Variants in KYNU observed in about 807,000 individuals in gnomAD.
The protein encoded by KYNU is L-kynurenine hydrolase.
In KYNU, 54 loss-of-function variants were observed where a neutral mutation model predicts 59.2. The ratio of observed to expected loss-of-function variants is 0.91; its 90% CI spans 0.73 to 1.14. The LOEUF (loss-of-function observed/expected upper bound fraction) is 1.14, where lower values mean the gene tolerates loss of function less well. Ranked by LOEUF, KYNU falls within the 50% of genes most tolerant of loss-of-function variation. The pLI is 0.00. For missense variants in KYNU, 567 were observed against 554.4 expected (o/e 1.02, Z -0.23); for synonymous variants, 177 against 192.0 (o/e 0.92, Z 0.65).
intron 10 of KYNU, among the ~76,000 whole-genome samples, chr2:143,010,022 A>G (rs1328058370): frequency 7.1e-6 from 1 of 141,226 alleles, no homozygotes; most frequent in African/African-American, 2.8e-5. Context: ...GCCCTCTCTC[A>G]CCACTCCTAT....
chr2:143,006,998 G>T (rs532233778), intron 10 of KYNU, among the ~76,000 whole-genome samples: 1 of 152,114 alleles, frequency 6.6e-6, no homozygotes, highest in African/African-American at 2.4e-5. Flanking sequence ...AACGCAGAGC[G>T]TCTCTCCTCC....
At chr2:143,004,229 A>C (rs1685799850) in intron 10 of KYNU, among the ~76,000 whole-genome samples, 1 of 152,326 alleles carries the variant, frequency 6.6e-6, no homozygotes, top group South Asian at 2.1e-4. Flanking sequence ...CTTGACAGGC[A>C]CTGTGCTAGA....
intron 3 of KYNU, among the ~76,000 whole-genome samples, chr2:142,919,073 T>TA (rs1311249448): frequency 6.3e-4 from 96 of 152,370 alleles, no homozygotes; most frequent in African/African-American, 2.2e-3. Context: ...AGTCTGTACA[T>TA]GTTTAGTATA....
rs1472828147 is a variant in KYNU, at chr2:142,979,292, A to G, written c.730-5792A>G. ...TCAGAAACAGAATCCCTCACATAAT[A>G]TTCTTACAAATTTAACATCACTTTA... On this transcript the variant is annotated intron_variant, in intron 8 of 13. Transcript: ENST00000264170. 2.0e-5 allele frequency among the ~76,000 whole-genome samples: 3 copies of G among 152,180 alleles called. No homozygotes were observed. The East Asian group carries it at 5.8e-4, about 29-fold the overall frequency.
At position 142,972,337 on chromosome 2, in the gene KYNU, C is replaced by A. The variant is rs190786674; in HGVS notation, c.729+11567C>A. On this transcript the variant is annotated intron_variant, in intron 8 of 13. Transcript: ENST00000264170. ...ATCCAGCTGTCAGTTCTCTCTAATA[C>A]CTTCTCAATTCACACCTTTCCCTTA... 8.9e-4 allele frequency among the ~76,000 whole-genome samples: 136 copies of A among 152,234 alleles called. 1 individual carries two copies. Among genetic ancestry groups the A allele is most frequent in the Non-Finnish European group, 1.7e-3 (116 of 68,024 alleles).
At chr2:142,924,873 T>C (rs1351910233) in intron 3 of KYNU, among the ~76,000 whole-genome samples, 1 of 152,226 alleles carries the variant, frequency 6.6e-6, no homozygotes, top group East Asian at 1.9e-4. Context: ...CAGGCCACTT[T>C]ACTTTGGGTT....
chr2:142,921,356 A>C (rs565728672), intron 3 of KYNU, among the ~76,000 whole-genome samples: 6 of 152,164 alleles, frequency 3.9e-5, no homozygotes, highest in Non-Finnish European at 8.8e-5. Flanking sequence ...CTGTATTTTT[A>C]GGAGGCTTTG....
intron 2 of KYNU, among the ~76,000 whole-genome samples, chr2:142,889,861 A>G (rs1231211131): frequency 6.6e-6 from 1 of 152,164 alleles, no homozygotes; most frequent in Non-Finnish European, 1.5e-5. Context: ...TGAAAGGATC[A>G]CAACTCCCAA....
At chr2:143,011,852 G>T (rs1686108289) in intron 10 of KYNU, among the ~76,000 whole-genome samples, 1 of 130,648 alleles carries the variant, frequency 7.7e-6, no homozygotes, top group African/African-American at 3.0e-5. Flanking sequence ...TCATAGGTGG[G>T]AATTGAACAA....
chr2:142,915,889 A>T (rs1165607360), intron 2 of KYNU, among the ~76,000 whole-genome samples: 1 of 152,158 alleles, frequency 6.6e-6, no homozygotes, highest in Non-Finnish European at 1.5e-5. Context: ...GAAATAATCA[A>T]GTTAAAATGA....
At chr2:142,920,758 C>T (rs3768850) in intron 3 of KYNU, among the ~76,000 whole-genome samples, 55,622 of 151,950 alleles carry the variant, frequency 0.37, 10,502 homozygotes, top group South Asian at 0.56. Context: ...CTATTCCATC[C>T]TCGCTTTGTT....
chr2:142,957,722 G>A lies in KYNU; in HGVS notation c.582+7G>A, dbSNP rs1684216658. ...GATGATAAAGCCAAGAGAGGTATAT[G>A]AGAAAGAAAGAAATATTTGTCATGC... On this transcript the variant is annotated splice_region_variant and intron_variant, in intron 7 of 13. Transcript: ENST00000264170. 1.3e-6 allele frequency: 2 copies of A among 1,526,090 alleles called. No homozygotes were observed. The highest frequency in any genetic ancestry group is 2.7e-5 in the African/African-American group (2 of 73,164). 94.5% of individuals were successfully genotyped at this position (1,526,090 alleles called of 1,614,324 possible).
intron 8 of KYNU, chr2:142,967,340 G>A (rs762264133): frequency 6.6e-6 from 1 of 151,948 alleles, no homozygotes; most frequent in Non-Finnish European, 1.5e-5. Flanking sequence ...TGCAAATGGT[G>A]GTTAAAAAGA....
At chr2:142,939,144 T>C (rs1683493991) in intron 4 of KYNU, among the ~76,000 whole-genome samples, 2 of 151,688 alleles carry the variant, frequency 1.3e-5, no homozygotes, top group African/African-American at 4.8e-5. Context: ...TAAGACCCTG[T>C]CTCAAACAAA....
chr2:142,918,056 AG>A (rs1682724117), intron 2 of KYNU, among the ~76,000 whole-genome samples: 1 of 152,232 alleles, frequency 6.6e-6, no homozygotes, highest in East Asian at 1.9e-4. Context: ...AATAAGAAGT[AG>A]ATGTAGAAAA....
chr2:142,887,246 G>C (rs184738507), intron 2 of KYNU, among the ~76,000 whole-genome samples: 13 of 152,206 alleles, frequency 8.5e-5, no homozygotes, highest in Non-Finnish European at 1.6e-4. Flanking sequence ...CAAAACCACA[G>C]TGAGATATCA....
In KYNU at chr2:142,918,677, C is replaced by A; in HGVS notation, c.238C>A (p.Pro80Thr). ...CTTGGGAAATTCTCTTGGCCTTCAACCAAAAATGGTTAAAACATATCTTGA... is the reference window on the plus strand; with the variant it reads ...CTTGGGAAATTCTCTTGGCCTTCAAACAAAAATGGTTAAAACATATCTTGA... ...YFLGNSLGLQ[P>T]KMVKTYLEEE... Residue 80 changes from proline (P) to threonine (T), a missense_variant, in exon 3 of 14, where the codon CCA (proline) becomes ACA (threonine). Pro to Thr is a conservative substitution (Grantham distance 38). Transcript: ENST00000264170. 1.2e-6 allele frequency: 2 copies of A among 1,610,158 alleles called. No individual in the cohort carries two copies.
intron 4 of KYNU, among the ~76,000 whole-genome samples, chr2:142,950,466 G>T (rs1232488168): frequency 6.6e-6 from 1 of 152,184 alleles, no homozygotes; most frequent in Non-Finnish European, 1.5e-5. Context: ...GCAAGGAGGA[G>T]CAAATCACAT....
intron 10 of KYNU, 73 bp from the exon 11 acceptor site, chr2:143,029,554 C>A (rs952983579): frequency 1.1e-6 from 1 of 928,242 alleles, no homozygotes; most frequent in Non-Finnish European, 1.8e-6. Context: ...CCACTGCACT[C>A]CAGCCTAGGC....
Sources: gnomAD v4.1 joint callset for allele counts (sites outside exome capture counted in the v4.1 genomes callset) on GRCh38, gnomAD v4.1.1 for gene constraint, MANE v1.5 for transcripts, NCBI Gene and HGNC (gene_info 2026-07-23, HGNC 2026-07-21) for gene names.